DCDC1: variants seen among roughly 807,000 people sequenced by gnomAD.
DCDC1 encodes doublecortin domain-containing protein 1.
Under a neutral mutation model 178.3 loss-of-function variants are expected in DCDC1, and 200 were observed. The observed-to-expected ratio is 1.12, with a 90% CI of 1.00 to 1.26. DCDC1 has a LOEUF of 1.26. Ranked by LOEUF, DCDC1 falls within the 50% of genes most tolerant of loss-of-function variation. The pLI is 0.00. For synonymous variants in DCDC1, 690 were observed against 604.8 expected, an observed-to-expected ratio of 1.14 and a Z score of -2.07; for missense variants, 1,983 against 1,749.2, an observed-to-expected ratio of 1.13 and a Z score of -2.38.
intron 9 of DCDC1, among the ~76,000 whole-genome samples, chr11:31,197,674 G>T (rs969218901): frequency 8.5e-5 from 13 of 152,054 alleles, no homozygotes; most frequent in African/African-American, 1.2e-4. Flanking sequence ...AGGAAAGAGG[G>T]AGTTGAGTAC....
rs956541342 is a variant in DCDC1 at position 31,306,309 on chromosome 11, T to C, written c.514A>G (p.Arg172Gly). 5.6e-6 allele frequency: 9 copies of C among 1,611,506 alleles called. No individual in the cohort carries two copies. The highest frequency in any genetic ancestry group is 7.6e-6 in the Non-Finnish European group (9 of 1,178,754). Residue 172 changes from arginine (R) to glycine (G), a missense_variant, in exon 5 of 39, where the codon AGA (arginine) becomes GGA (glycine). Transcript: ENST00000684477. ...TTGTAAGCTGTTACTTTAATCACTC[T>C]TGGTTGAAGTTTGTGTCTTTGAGAC... ...KLSQRHKLQP[R>G]VIKVTAYKNG...
At chr11:30,899,498 T>C (rs764953881) in intron 34 of DCDC1, 43 bp downstream of exon 34, 6 of 1,303,300 alleles carry the variant, frequency 4.6e-6, no homozygotes, top group Non-Finnish European at 6.1e-6. Flanking sequence ...TGGGGCTACA[T>C]TTTGAATTAA....
chr11:31,256,892 T>C (rs1158629978), intron 8 of DCDC1, among the ~76,000 whole-genome samples: 2 of 152,150 alleles, frequency 1.3e-5, no homozygotes, highest in Non-Finnish European at 2.9e-5. Flanking sequence ...ATGGCATTAG[T>C]ATACTGAGGT....
At chr11:30,887,108 A>C (rs1015696657) in intron 36 of DCDC1, among the ~76,000 whole-genome samples, 1 of 152,212 alleles carries the variant, frequency 6.6e-6, no homozygotes, top group Non-Finnish European at 1.5e-5. Flanking sequence ...ATGAAAATAA[A>C]GCATTTTCTC....
chr11:31,195,489 C>T (rs145391380), intron 9 of DCDC1, among the ~76,000 whole-genome samples: 2 of 152,196 alleles, frequency 1.3e-5, no homozygotes, highest in East Asian at 3.9e-4. Flanking sequence ...AATTTTTTGG[C>T]AACTGAAGTT....
intron 7 of DCDC1, among the ~76,000 whole-genome samples, chr11:31,285,094 A>T (rs1054319114): frequency 2.6e-5 from 4 of 151,876 alleles, no homozygotes; most frequent in Admixed American, 6.6e-5. Flanking sequence ...TTTCATTTTT[A>T]AAAAAATTCT....
intron 9 of DCDC1, among the ~76,000 whole-genome samples, chr11:31,229,369 T>C (rs1177368845): frequency 1.4e-4 from 21 of 152,090 alleles, no homozygotes; most frequent in Admixed American, 1.4e-3. Flanking sequence ...AATAAATCAA[T>C]TCAAGTAACA....
intron 16 of DCDC1, among the ~76,000 whole-genome samples, chr11:31,093,671 T>C (rs1379890471): frequency 6.6e-6 from 1 of 152,236 alleles, no homozygotes; most frequent in South Asian, 2.1e-4. Context: ...AGTTGGTATA[T>C]GTTGGTAATC....
intron 7 of DCDC1, among the ~76,000 whole-genome samples, chr11:31,268,276 T>C (rs1591592570): frequency 6.6e-6 from 1 of 152,212 alleles, no homozygotes; most frequent in East Asian, 1.9e-4. Context: ...TATAATCTAC[T>C]TGAAGGTAGT....
chr11:31,224,556 CAGAGT>C (rs1307438355), intron 9 of DCDC1, among the ~76,000 whole-genome samples: 2 of 152,022 alleles, frequency 1.3e-5, no homozygotes, highest in Non-Finnish European at 2.9e-5. Context: ...AAACTATCAG[CAGAGT>C]AAACAGACAA....
In DCDC1 at chr11:30,865,221, T is replaced by C. The variant is rs1940874002; in HGVS notation, c.*152A>G. ...ACGACTAATTTTTTTTAATAAACTA[T>C]GCAGGATTGTTATTTAGAAGATTTG... is the stretch of plus-strand genomic sequence containing the variant. On this transcript the variant is annotated 3_prime_UTR_variant, in exon 39 of 39. Coordinates refer to ENST00000684477, the MANE Select transcript of DCDC1 (RefSeq NM_001387274.1). The C allele has an allele frequency of 6.6e-6, 1 of 152,204 alleles. No homozygotes were observed. The highest frequency in any genetic ancestry group is 6.5e-5 in the Admixed American group (1 of 15,278). 9.4% of individuals were successfully genotyped at this position (152,204 alleles called of 1,614,324 possible). A position where few individuals can be genotyped will look rare whatever the true frequency, so the allele number is the denominator to read the frequency against.
intron 9 of DCDC1, among the ~76,000 whole-genome samples, chr11:31,170,677 T>A (rs1357892079): frequency 6.6e-6 from 1 of 152,200 alleles, no homozygotes; most frequent in African/African-American, 2.4e-5. Context: ...CATAGCATAG[T>A]ACTACATACT....
At chr11:31,026,782 AC>A (rs1292158066) in intron 20 of DCDC1, among the ~76,000 whole-genome samples, 4 of 151,858 alleles carry the variant, frequency 2.6e-5, no homozygotes, top group Admixed American at 2.0e-4. Flanking sequence ...GCCAAACTTT[AC>A]ACAAAATTAT....
At chr11:31,256,058 A>C (rs973047829) in intron 8 of DCDC1, among the ~76,000 whole-genome samples, 2 of 152,202 alleles carry the variant, frequency 1.3e-5, no homozygotes, top group Admixed American at 1.3e-4. Context: ...CAGTTCTACC[A>C]GCACCATTGA....
chr11:31,171,410 G>A (rs1396193963), intron 9 of DCDC1, among the ~76,000 whole-genome samples: 1 of 152,038 alleles, frequency 6.6e-6, no homozygotes, highest in Non-Finnish European at 1.5e-5. Flanking sequence ...GCTGGATTTG[G>A]CCCATGTGCT....
chr11:31,183,308 C>T (rs548305031), intron 9 of DCDC1, among the ~76,000 whole-genome samples: 95 of 152,316 alleles, frequency 6.2e-4, no homozygotes, highest in African/African-American at 2.3e-3. Flanking sequence ...TTCTCAGCAC[C>T]ACGTGACACT....
intron 6 of DCDC1, among the ~76,000 whole-genome samples, chr11:31,294,052 A>G (rs1947420911): frequency 6.6e-6 from 1 of 152,172 alleles, no homozygotes; most frequent in Admixed American, 6.6e-5. Flanking sequence ...TATTCATTCA[A>G]CAATATTTAC....
At chr11:31,322,997 G>A (rs1049680403) in intron 3 of DCDC1, among the ~76,000 whole-genome samples, 1 of 151,944 alleles carries the variant, frequency 6.6e-6, no homozygotes, top group African/African-American at 2.4e-5. Context: ...TACTAATGTT[G>A]AATTAATTTC....
chr11:30,891,659 T>C (rs923191761), intron 36 of DCDC1, among the ~76,000 whole-genome samples: 1 of 152,258 alleles, frequency 6.6e-6, no homozygotes, highest in African/African-American at 2.4e-5. Context: ...AGCTCTCTTC[T>C]GAAAAAGCTT....
Sources: gnomAD v4.1 joint callset for allele counts (sites outside exome capture counted in the v4.1 genomes callset) on GRCh38, gnomAD v4.1.1 for gene constraint, MANE v1.5 for transcripts, NCBI Gene and HGNC (gene_info 2026-07-23, HGNC 2026-07-21) for gene names.